The following UNC79 variants were observed in gnomAD, a reference collection of about 807,000 sequenced individuals.
The protein encoded by UNC79 is unc-79 subunit of NALCN channel complex.
In UNC79, 37 loss-of-function variants were observed where a neutral mutation model predicts 283.1. That is an observed-to-expected ratio of 0.13 (90% confidence interval 0.10 to 0.17). The LOEUF is 0.17. Ranked by LOEUF, UNC79 falls within the 10% of genes least tolerant of loss-of-function variation. UNC79 has a pLI of 1.00. For synonymous variants in UNC79, 1,107 were observed against 1,200.2 expected, an observed-to-expected ratio of 0.92 and a Z score of 1.61; for missense variants, 2,272 against 3,211.1, an observed-to-expected ratio of 0.71 and a Z score of 7.07.
At chr14:93,350,408 G>A (rs1256364197) in intron 1 of UNC79, among the ~76,000 whole-genome samples, 1 of 152,022 alleles carries the variant, frequency 6.6e-6, no homozygotes, top group Non-Finnish European at 1.5e-5. Flanking sequence ...GTAAATTTTT[G>A]TCTTAAAGTA....
At chr14:93,466,075 A>G (rs2057165701) in intron 1 of UNC79, among the ~76,000 whole-genome samples, 1 of 152,358 alleles carries the variant, frequency 6.6e-6, no homozygotes, top group East Asian at 1.9e-4. Context: ...CAGGAAAAAA[A>G]GTTATTTACT....
At chr14:93,589,601 A>G (rs954364235) in intron 22 of UNC79, among the ~76,000 whole-genome samples, 1 of 152,166 alleles carries the variant, frequency 6.6e-6, no homozygotes, top group Non-Finnish European at 1.5e-5. Context: ...AGACTGAACT[A>G]GGTGCCTAAT....
chr14:93,470,693 C>T lies in UNC79; in HGVS notation c.143+2902C>T, dbSNP rs894500895. 2.0e-5 allele frequency among the ~76,000 whole-genome samples: 3 copies of T among 152,214 alleles called. 1 individual carries two copies. Among genetic ancestry groups the T allele is most frequent in the South Asian group, 4.1e-4 (2 of 4,822 alleles). On this transcript the variant is annotated intron_variant, in intron 2 of 48. Transcript: ENST00000555664. ...GTCTGGTAAAGTTACATCTGAGTGCCGAGTTGTACTCATTTTAATTTAGCA... is the reference window on the plus strand; with the variant it reads ...GTCTGGTAAAGTTACATCTGAGTGCTGAGTTGTACTCATTTTAATTTAGCA...
At chr14:93,689,063 C>T (rs1485305372) in intron 44 of UNC79, 2 of 476,060 alleles carry the variant, frequency 4.2e-6, no homozygotes, top group African/African-American at 2.0e-5. Flanking sequence ...ACAAAAACCT[C>T]AATTGTCCTT....
At chr14:93,493,885 A>G (rs2058862394) in intron 5 of UNC79, among the ~76,000 whole-genome samples, 1 of 57,182 alleles carries the variant, frequency 1.7e-5, no homozygotes, top group African/African-American at 6.1e-5. Context: ...ATATATATAT[A>G]TATATATATA....
At chr14:93,463,929 C>T (rs2057054406) in intron 1 of UNC79, among the ~76,000 whole-genome samples, 1 of 152,044 alleles carries the variant, frequency 6.6e-6, no homozygotes, top group East Asian at 1.9e-4. Flanking sequence ...GCGGGCGGAT[C>T]ACGAGGTCAG....
At chr14:93,694,962 C>T (rs1010712738) in intron 47 of UNC79, among the ~76,000 whole-genome samples, 1 of 152,170 alleles carries the variant, frequency 6.6e-6, no homozygotes, top group Non-Finnish European at 1.5e-5. Flanking sequence ...TATTTTAAAT[C>T]ATTATACAGT....
intron 25 of UNC79, among the ~76,000 whole-genome samples, chr14:93,601,045 A>G (rs1038827337): frequency 5.3e-5 from 8 of 152,194 alleles, no homozygotes; most frequent in African/African-American, 1.9e-4. Flanking sequence ...CATTATGTTT[A>G]TAACATTTGT....
At chr14:93,538,175 T>A in exon 12 of UNC79, 1 of 1,613,188 alleles carries the variant, frequency 6.2e-7, no homozygotes, top group Non-Finnish European at 8.5e-7. Flanking sequence ...CACGCGGGAA[T>A]GCGGCGCTGA....
chr14:93,578,526 C>T (rs890999359), intron 18 of UNC79, among the ~76,000 whole-genome samples: 1 of 152,118 alleles, frequency 6.6e-6, no homozygotes, highest in African/African-American at 2.4e-5. Flanking sequence ...TACAAGAATA[C>T]TATAAAGAAT....
chr14:93,586,663 T>C, exon 21 of UNC79: 2 of 1,613,834 alleles, frequency 1.2e-6, no homozygotes, highest in Non-Finnish European at 1.7e-6. Flanking sequence ...GACTAATATA[T>C]ACCATTTTCC....
chr14:93,622,942 T>C, intron 30 of UNC79, 101 bp downstream of exon 32: 2 of 1,446,264 alleles, frequency 1.4e-6, no homozygotes, highest in Non-Finnish European at 1.9e-6. Context: ...CAAACTCTTA[T>C]AATGTCAGGG....
At chr14:93,477,908 AAGGCGTT>A (rs1300765266) in intron 4 of UNC79, among the ~76,000 whole-genome samples, 180 bp downstream of exon 4, 7 of 152,228 alleles carry the variant, frequency 4.6e-5, no homozygotes, top group Non-Finnish European at 8.8e-5. Context: ...AAAGAAATGA[AAGGCGTT>A]AGGGCTTAAA....
intron 32 of UNC79, among the ~76,000 whole-genome samples, chr14:93,640,351 A>AG (rs1184943709): frequency 6.6e-6 from 1 of 152,220 alleles, no homozygotes; most frequent in Non-Finnish European, 1.5e-5. Context: ...ATGCAAGGCC[A>AG]GGCACAGTGG....
chr14:93,546,643 C>G (rs1485586036), intron 14 of UNC79, among the ~76,000 whole-genome samples: 5 of 152,130 alleles, frequency 3.3e-5, no homozygotes, highest in African/African-American at 1.2e-4. Flanking sequence ...AAAGGGGTTC[C>G]TTGTATCTGA....
At chr14:93,573,211 A>G (rs892529796) in intron 16 of UNC79, among the ~76,000 whole-genome samples, 11 of 152,092 alleles carry the variant, frequency 7.2e-5, no homozygotes, top group African/African-American at 2.4e-4. Context: ...GCCTGGAATG[A>G]CTTCCTTTCC....
At chr14:93,599,099 TTTG>T (rs2065301611) in intron 24 of UNC79, among the ~76,000 whole-genome samples, 1 of 152,224 alleles carries the variant, frequency 6.6e-6, no homozygotes, top group African/African-American at 2.4e-5. Context: ...GATTTATTAT[TTTG>T]TTGTTATTAT....
At position 93,597,861 on chromosome 14, in the gene UNC79, AG is replaced by A. The variant is rs1566740750; in HGVS notation, c.3372+323del. ...ATCATATTGGTGATTTAGTTTCAAC[AG>A]GAATTTGGGGGTGAGGCCCTTGCAC... On this transcript the variant is annotated intron_variant, in intron 24 of 48. Transcript: ENST00000555664. 4.6e-5 allele frequency among the ~76,000 whole-genome samples: 7 copies of A among 152,264 alleles called. No individual in the cohort carries two copies. In the South Asian group the frequency reaches 1.5e-3, roughly 32 times the overall value.
In UNC79 at chr14:93,688,257, A is replaced by G. The variant is rs2074402454; in HGVS notation, c.6910-408A>G. Among the ~76,000 whole-genome samples the G allele has an allele frequency of 6.6e-6, 1 of 152,178 alleles. No individual in the cohort carries two copies. The highest frequency in any genetic ancestry group is 2.4e-5 in the African/African-American group (1 of 41,444). ...TAAAAATGTGTCTCTCACAATTGCT[A>G]TGAAAAAGAGGCAGAAGGCAGCACG... On this transcript the variant is annotated intron_variant, in intron 43 of 48. Transcript: ENST00000555664. This position sits in a 1 kb window ranked among gnomAD's most constrained non-coding sequence, Gnocchi z 4.0.
Sources: allele counts gnomAD v4.1 joint callset (sites outside exome capture counted in the v4.1 genomes callset), GRCh38; gene constraint gnomAD v4.1.1; non-coding constraint Gnocchi (gnomAD v3.1); transcripts MANE v1.5; gene names NCBI Gene and HGNC (gene_info 2026-07-23, HGNC 2026-07-21).